Variants in C19orf44 observed in about 807,000 individuals in gnomAD.
C19orf44 encodes the protein uncharacterized protein C19orf44.
Under a neutral mutation model 50.7 loss-of-function variants are expected in C19orf44, and 43 were observed. The observed-to-expected ratio is 0.85, with a 90% CI of 0.66 to 1.09. The LOEUF (loss-of-function observed/expected upper bound fraction) is 1.09, where lower values mean the gene tolerates loss of function less well. C19orf44 is among the 50% of genes least tolerant of loss of function. C19orf44 has a pLI of 0.00. For missense variants in C19orf44, 722 were observed against 836.2 expected, an observed-to-expected ratio of 0.86 and a Z score of 1.68; for synonymous variants, 298 against 334.7, an observed-to-expected ratio of 0.89 and a Z score of 1.20.
At chr19:16,498,260 C>T (rs952590346) in intron 1 of C19orf44, among the ~76,000 whole-genome samples, 1 of 152,076 alleles carries the variant, frequency 6.6e-6, no homozygotes, top group Non-Finnish European at 1.5e-5. Context: ...TTTACAATTC[C>T]CCCAACAACA....
rs2085584619 is a variant in C19orf44, at chr19:16,519,375, A to G, written c.*41-719A>G. 2 of 1,606,210 alleles carry G rather than the reference A, an allele frequency of 1.2e-6. No homozygotes were observed. Among genetic ancestry groups the G allele is most frequent in the East Asian group, 2.2e-5 (1 of 44,832 alleles). On this transcript the variant is annotated intron_variant, in intron 8 of 8. Coordinates refer to ENST00000221671, the MANE Select transcript of C19orf44 (RefSeq NM_032207.4). The surrounding 1 kb of genome is among the most constrained non-coding windows in gnomAD (Gnocchi z 6.0). ...AGCCTGGAAACAGAGACGCAGTCAC[A>G]ACCACAACAAGGCGGAGGCAGATGG...
At chr19:16,499,523 C>T (rs569864732) in intron 1 of C19orf44, 1 of 152,224 alleles carries the variant, frequency 6.6e-6, no homozygotes, top group East Asian at 1.9e-4. Flanking sequence ...GATCCACCCG[C>T]CTTGGCCTCC....
In C19orf44 at chr19:16,520,377, G is replaced by T; in HGVS notation, c.*324G>T. The T allele has an allele frequency of 6.2e-7, 1 of 1,613,920 alleles. No homozygotes were observed. The highest frequency in any genetic ancestry group is 1.1e-5 in the South Asian group (1 of 91,078). ...GCCTCTGCCTACCTAGATCTGGAGC[G>T]GGAGTAGGAACGGGAGCAGGAGCGC... On this transcript the variant is annotated 3_prime_UTR_variant, in exon 9 of 9. Transcript: ENST00000221671. The surrounding 1 kb of genome is among the most constrained non-coding windows in gnomAD (Gnocchi z 4.0).
Position 16,519,814 on chromosome 19 carries a change from ACT to A in C19orf44, c.*41-279_*41-278del. The A allele has an allele frequency of 1.9e-6, 2 of 1,032,138 alleles. No homozygotes were observed. Among genetic ancestry groups the A allele is most frequent in the Non-Finnish European group, 3.1e-6 (2 of 653,440 alleles). 63.9% of individuals were successfully genotyped at this position (1,032,138 alleles called of 1,614,324 possible). ...ACAGCCGCAGCTTGCGTGCATGCTC[ACT>A]GTCACCAGGTGACACCGTATGCAGA... On this transcript the variant is annotated intron_variant, in intron 8 of 8. Transcript: ENST00000221671. This position sits in a 1 kb window ranked among gnomAD's most constrained non-coding sequence, Gnocchi z 6.0.
At chr19:16,510,343 G>A (rs1270629053) in intron 5 of C19orf44, among the ~76,000 whole-genome samples, 1 of 152,188 alleles carries the variant, frequency 6.6e-6, no homozygotes, top group Non-Finnish European at 1.5e-5. Context: ...GGAGGTTGCA[G>A]TGAGCTGAGA....
chr19:16,509,361 C>T (rs567887175), intron 4 of C19orf44, 138 bp from the exon 5 acceptor site: 14 of 1,173,948 alleles, frequency 1.2e-5, no homozygotes, highest in Non-Finnish European at 1.7e-5. Flanking sequence ...ATACTCCGTG[C>T]CCACATCTAA....
rs1292278702 is a variant in C19orf44, at chr19:16,520,273, G to A, written c.*220G>A. 3 of 1,613,350 alleles carry A rather than the reference G, an allele frequency of 1.9e-6. No individual in the cohort carries two copies. Among genetic ancestry groups the A allele is most frequent in the Non-Finnish European group, 2.5e-6 (3 of 1,179,884 alleles). ...CGCGACCTGCTCCGACTTCTGCAGG[G>A]AAGGGTGCCCAAGGGTCAGCAGCAG... On this transcript the variant is annotated 3_prime_UTR_variant, in exon 9 of 9. Transcript: ENST00000221671. The surrounding 1 kb of genome is among the most constrained non-coding windows in gnomAD (Gnocchi z 4.0).
intron 1 of C19orf44, chr19:16,499,337 A>C (rs2093418449): frequency 6.6e-6 from 1 of 151,202 alleles, no homozygotes; most frequent in African/African-American, 2.4e-5. Flanking sequence ...CCCAGGCTGG[A>C]GTGCAGTGGC....
At position 16,519,548 on chromosome 19, in the gene C19orf44, G is replaced by A. The variant is rs2085587287; in HGVS notation, c.*41-546G>A. 7.1e-7 allele frequency: 1 copy of A among 1,406,118 alleles called. No homozygotes were observed. The highest frequency in any genetic ancestry group is 2.1e-4 in the Middle Eastern group (1 of 4,704). The allele number at this position is 1,406,118 out of a possible 1,614,324, so 87.1% of individuals were successfully genotyped here. On this transcript the variant is annotated intron_variant, in intron 8 of 8. Coordinates refer to ENST00000221671, the MANE Select transcript of C19orf44 (RefSeq NM_032207.4). The surrounding 1 kb of genome is among the most constrained non-coding windows in gnomAD (Gnocchi z 6.0). ...CCATCCCCACATGCACTGAGGAAGA[G>A]AAAGCGCTGGTGACTCCCGGGCCCA...
chr19:16,506,412 G>T (rs895134248), intron 3 of C19orf44, among the ~76,000 whole-genome samples: 1 of 152,046 alleles, frequency 6.6e-6, no homozygotes, highest in Non-Finnish European at 1.5e-5. Flanking sequence ...TGGCCAAATG[G>T]TGAAATCTTG....
At chr19:16,507,529 TC>T (rs2093443882) in intron 4 of C19orf44, among the ~76,000 whole-genome samples, 1 of 150,244 alleles carries the variant, frequency 6.7e-6, no homozygotes, top group Non-Finnish European at 1.5e-5. Context: ...CTTGTTCTTA[TC>T]CCCCAGGTTT....
intron 7 of C19orf44, among the ~76,000 whole-genome samples, chr19:16,516,714 G>A (rs767922199): frequency 1.3e-5 from 2 of 152,202 alleles, no homozygotes; most frequent in Admixed American, 6.5e-5. Context: ...CCGGGACGCT[G>A]CTTTGGAACT....
At chr19:16,513,759 A>G (rs2093464232) in intron 6 of C19orf44, among the ~76,000 whole-genome samples, 1 of 152,030 alleles carries the variant, frequency 6.6e-6, no homozygotes, top group African/African-American at 2.4e-5. Context: ...CCCTGAAGAC[A>G]TGTATTTGAC....
Position 16,520,221 on chromosome 19 carries a change from T to C in C19orf44, c.*168T>C. On this transcript the variant is annotated 3_prime_UTR_variant, in exon 9 of 9. Coordinates refer to ENST00000221671, the MANE Select transcript of C19orf44 (RefSeq NM_032207.4). The surrounding 1 kb of genome is among the most constrained non-coding windows in gnomAD (Gnocchi z 4.0). Reference sequence around the variant, plus strand: ...GTACGACTTGGACCGGGACCGCGACTGGGACCGGGAGCGGCTTCTGGAGGA... The same window carrying C: ...GTACGACTTGGACCGGGACCGCGACCGGGACCGGGAGCGGCTTCTGGAGGA... 1 of 1,613,432 alleles carries C rather than the reference T, an allele frequency of 6.2e-7. No homozygotes were observed. Among genetic ancestry groups the C allele is most frequent in the African/African-American group, 1.3e-5 (1 of 75,038 alleles).
intron 4 of C19orf44, among the ~76,000 whole-genome samples, chr19:16,507,835 G>A (rs1214056291): frequency 1.3e-5 from 2 of 150,608 alleles, no homozygotes; most frequent in South Asian, 2.1e-4. Context: ...ACAGAGTCTC[G>A]CTCTGCTGCC....
In C19orf44 at chr19:16,520,252, A is replaced by T. The variant is rs1319692686; in HGVS notation, c.*199A>T. 6.2e-7 allele frequency: 1 copy of T among 1,613,220 alleles called. No individual in the cohort carries two copies. Among genetic ancestry groups the T allele is most frequent in the East Asian group, 2.2e-5 (1 of 44,844 alleles). ...CGGGAGCGGCTTCTGGAGGAGCGCG[A>T]CCTGCTCCGACTTCTGCAGGGAAGG... is the stretch of plus-strand genomic sequence containing the variant. On this transcript the variant is annotated 3_prime_UTR_variant, in exon 9 of 9. Coordinates refer to ENST00000221671, the MANE Select transcript of C19orf44 (RefSeq NM_032207.4). This position sits in a 1 kb window ranked among gnomAD's most constrained non-coding sequence, Gnocchi z 4.0.
At chr19:16,508,396 C>T (rs566704511) in intron 4 of C19orf44, among the ~76,000 whole-genome samples, 4 of 152,274 alleles carry the variant, frequency 2.6e-5, no homozygotes, top group South Asian at 4.1e-4. Context: ...CGCCACCATG[C>T]CTGGCCCAAT....
Position 16,519,416 on chromosome 19 carries a change from GC to G in C19orf44, c.*41-677del. ...AGGCAGATGGGGGTGCACGTGGGGG[GC>G]TGAATGTCCAGACAGGCAGTGTAGA... is the stretch of plus-strand genomic sequence containing the variant. On this transcript the variant is annotated intron_variant, in intron 8 of 8. Transcript: ENST00000221671. The surrounding 1 kb of genome is among the most constrained non-coding windows in gnomAD (Gnocchi z 6.0). 1 of 1,514,496 alleles carries G rather than the reference GC, an allele frequency of 6.6e-7. No individual in the cohort carries two copies. The highest frequency in any genetic ancestry group is 1.2e-5 in the South Asian group (1 of 84,610). The allele number at this position is 1,514,496 out of a possible 1,614,324, so 93.8% of individuals were successfully genotyped here.
chr19:16,502,118 CA>C (rs1339139964), intron 2 of C19orf44, among the ~76,000 whole-genome samples: 1 of 151,856 alleles, frequency 6.6e-6, no homozygotes. Flanking sequence ...CCATGTTGAT[CA>C]GGCTGGTCTC....
Sources: gnomAD v4.1 joint callset for allele counts (sites outside exome capture counted in the v4.1 genomes callset) on GRCh38, gnomAD v4.1.1 for gene constraint, Gnocchi (gnomAD v3.1) non-coding constraint, MANE v1.5 for transcripts, NCBI Gene and HGNC (gene_info 2026-07-23, HGNC 2026-07-21) for gene names.